TMEM47: variants seen among roughly 807,000 people sequenced by gnomAD.
TMEM47 encodes brain cell membrane protein 1.
Under a neutral mutation model 12.4 loss-of-function variants are expected in TMEM47, and 3 were observed. The observed-to-expected ratio is 0.24, with a 90% CI of 0.11 to 0.63. The LOEUF is 0.63. TMEM47 is among the 20% of genes least tolerant of loss of function. The pLI is 0.86. For missense variants in TMEM47, 89 were observed against 143.8 expected (o/e 0.62, Z 1.95); for synonymous variants, 62 against 63.3 (o/e 0.98, Z 0.10).
intron 2 of TMEM47, among the ~76,000 whole-genome samples, chrX:34,635,179 C>T (rs950189639): frequency 9.0e-6 from 1 of 111,424 alleles, no homozygotes; most frequent in African/African-American, 3.3e-5. Flanking sequence ...AATGACGCTC[C>T]AAATTTGGTG....
intron 2 of TMEM47, 75 bp from the exon 3 acceptor site, chrX:34,630,566 T>A (rs1389962034): frequency 2.1e-6 from 2 of 944,458 alleles, no homozygotes; most frequent in South Asian, 7.2e-5. Context: ...TAACTATATA[T>A]GTATGAGAGT....
intron 1 of TMEM47, among the ~76,000 whole-genome samples, chrX:34,648,164 C>A (rs1921948313): frequency 8.9e-6 from 1 of 111,922 alleles, no homozygotes. Context: ...ATCTGGCATT[C>A]TTCACAGAAC....
At chrX:34,630,546 T>G in intron 2 of TMEM47, 55 bp from the exon 3 acceptor site, 1 of 1,059,088 alleles carries the variant, frequency 9.4e-7, no homozygotes, top group South Asian at 2.5e-5. Flanking sequence ...AATAAAATAA[T>G]ATAAATATGT....
At chrX:34,650,225 G>A (rs764070292) in intron 1 of TMEM47, among the ~76,000 whole-genome samples, 21 of 111,787 alleles carry the variant, frequency 1.9e-4, no homozygotes, top group Non-Finnish European at 3.8e-4. Context: ...TACAAAAAGT[G>A]GGCAGCTATT....
rs144997098 is a variant in TMEM47, at chrX:34,633,726, C to G, written c.368-3235G>C. The stretch of plus-strand genomic sequence containing the variant: ...ACGCTGCTTTTAATATTCATTTCAA[C>G]GTGTTTTATTTAGCAAATATTTGGC... On this transcript the variant is annotated intron_variant, in intron 2 of 2. Coordinates refer to ENST00000275954, the MANE Select transcript of TMEM47 (RefSeq NM_031442.4). Among the ~76,000 whole-genome samples, 672 of 111,157 alleles carry G rather than the reference C, an allele frequency of 6.0e-3. 5 individuals carry two copies. The highest frequency in any genetic ancestry group is 0.02 in the African/African-American group (626 of 30,617).
At chrX:34,653,831 T>C (rs746319399) in intron 1 of TMEM47, among the ~76,000 whole-genome samples, 2 of 111,881 alleles carry the variant, frequency 1.8e-5, no homozygotes, top group African/African-American at 6.5e-5. Flanking sequence ...GAGTACTGCG[T>C]ATTCTAAACT....
chrX:34,630,074 A>T lies in TMEM47; in HGVS notation c.*239T>A, dbSNP rs754696715. The T allele has an allele frequency of 3.6e-5, 11 of 302,340 alleles. No homozygotes were observed. The highest frequency in any genetic ancestry group is 6.4e-5 in the Non-Finnish European group (11 of 171,544). 24.9% of individuals were successfully genotyped at this position (302,340 alleles called of 1,213,427 possible). On this transcript the variant is annotated 3_prime_UTR_variant, in exon 3 of 3. Coordinates refer to ENST00000275954, the MANE Select transcript of TMEM47 (RefSeq NM_031442.4). The stretch of plus-strand genomic sequence containing the variant: ...ATTTGTCAAGAAAAACGATATGAAC[A>T]TATTGGAAGTTTGCAGCATTTGCCT...
At position 34,630,359 on chromosome X, in the gene TMEM47, G is replaced by A; in HGVS notation, c.500C>T (p.Ala167Val). 8.3e-7 allele frequency: 1 copy of A among 1,209,906 alleles called. No homozygotes were observed. The highest frequency in any genetic ancestry group is 1.1e-6 in the Non-Finnish European group (1 of 894,619). Residue 167 changes from alanine to valine, a missense_variant, in exon 3 of 3, where the codon GCC (alanine) becomes GTC (valine). Physicochemically the swap from Ala to Val is moderately conservative, Grantham distance 64. Transcript: ENST00000275954. ...CTTAGGGTTCAGGCAATAAAGGATG[G>A]CACCCCCAAACGAAAATATAGTTGC... Reference protein sequence around the residue: ...WGATIFSFGGAILYCLNPKNY... With the variant: ...WGATIFSFGGVILYCLNPKNY...
At chrX:34,645,172 T>C (rs1921888642) in intron 1 of TMEM47, among the ~76,000 whole-genome samples, 1 of 111,483 alleles carries the variant, frequency 9.0e-6, no homozygotes, top group South Asian at 3.8e-4. Context: ...CCAATCCCAT[T>C]CTATCATCAG....
chrX:34,649,036 T>C (rs1055965060), intron 1 of TMEM47, among the ~76,000 whole-genome samples: 2 of 111,405 alleles, frequency 1.8e-5, no homozygotes, highest in Admixed American at 1.9e-4. Context: ...TATTAAAAAG[T>C]CAAAAAATAA....
chrX:34,654,109 T>C lies in TMEM47; in HGVS notation c.226+2695A>G, dbSNP rs1004730637. Among the ~76,000 whole-genome samples the C allele has an allele frequency of 8.1e-5, 9 of 111,514 alleles. 1 individual carries two copies. The South Asian group carries it at 3.0e-3, about 37-fold the overall frequency. On this transcript the variant is annotated intron_variant, in intron 1 of 2. Transcript: ENST00000275954. ...CTTTTGCTTAAAATCATAAAACAGG[T>C]TATAAACAGCAAATGATGCACATTT... is the stretch of plus-strand genomic sequence containing the variant.
chrX:34,636,975 T>C (rs921804741), intron 2 of TMEM47, among the ~76,000 whole-genome samples: 4 of 112,167 alleles, frequency 3.6e-5, no homozygotes, highest in Non-Finnish European at 7.5e-5. Context: ...AAACCCTAGA[T>C]GTACAACTTA....
intron 1 of TMEM47, among the ~76,000 whole-genome samples, chrX:34,644,017 T>C (rs1056313412): frequency 9.1e-6 from 1 of 110,376 alleles, no homozygotes; most frequent in East Asian, 2.8e-4. Context: ...GCATTCAAAC[T>C]GCACCGAAAG....
Position 34,642,458 on chromosome X carries a change from T to C in TMEM47, c.227-3071A>G, listed in dbSNP as rs1601966813. Among the ~76,000 whole-genome samples, 2 of 112,028 alleles carry C rather than the reference T, an allele frequency of 1.8e-5. 1 individual carries two copies. The highest frequency in any genetic ancestry group is 7.4e-4 in the South Asian group (2 of 2,687). The stretch of plus-strand genomic sequence containing the variant: ...CATTTGAAAAACCAGTAAAATGCTA[T>C]AGTAGAAAGCACCAGGAGAATAAAA... On this transcript the variant is annotated intron_variant, in intron 1 of 2. Coordinates refer to ENST00000275954, the MANE Select transcript of TMEM47 (RefSeq NM_031442.4).
chrX:34,655,027 T>A (rs774873064), intron 1 of TMEM47, among the ~76,000 whole-genome samples: 4 of 111,504 alleles, frequency 3.6e-5, no homozygotes, highest in Non-Finnish European at 7.5e-5. Flanking sequence ...CTGAGATAAA[T>A]GGGTATGGAG....
intron 1 of TMEM47, among the ~76,000 whole-genome samples, chrX:34,654,403 G>C (rs1922069028): frequency 9.0e-6 from 1 of 111,651 alleles, no homozygotes; most frequent in Non-Finnish European, 1.9e-5. Flanking sequence ...CAAAGATGTG[G>C]ATCTCTCAAA....
At chrX:34,635,487 G>A (rs1163747719) in intron 2 of TMEM47, among the ~76,000 whole-genome samples, 1 of 111,372 alleles carries the variant, frequency 9.0e-6, no homozygotes, top group Middle Eastern at 4.3e-3. Flanking sequence ...ATGTCACAAG[G>A]AGACCTCATG....
At chrX:34,635,397 T>TA (rs1248311532) in intron 2 of TMEM47, among the ~76,000 whole-genome samples, 2 of 111,683 alleles carry the variant, frequency 1.8e-5, no homozygotes, top group East Asian at 5.6e-4. Context: ...ACCTTACAAA[T>TA]AAAGTATATG....
chrX:34,650,480 T>C (rs1921997428), intron 1 of TMEM47, among the ~76,000 whole-genome samples: 1 of 112,136 alleles, frequency 8.9e-6, no homozygotes, highest in Admixed American at 9.5e-5. Flanking sequence ...TCTATTTTAT[T>C]AAACACGTTA....
Sources: gnomAD v4.1 joint callset for allele counts (sites outside exome capture counted in the v4.1 genomes callset) on GRCh38, gnomAD v4.1.1 for gene constraint, MANE v1.5 for transcripts, NCBI Gene and HGNC (gene_info 2026-07-23, HGNC 2026-07-21) for gene names.